Variants in TCF7L2 observed in about 807,000 individuals in gnomAD.
TCF7L2 encodes the protein transcription factor 7-like 2.
TCF7L2 carries 23 observed loss-of-function variants against 77.9 expected under a neutral mutation model. That is an observed-to-expected ratio of 0.30 (90% CI 0.21 to 0.42). The LOEUF (loss-of-function observed/expected upper bound fraction) is 0.42. Among genes scored for constraint, TCF7L2 ranks in the 10% least tolerant of loss-of-function variants. The pLI, the probability that TCF7L2 is intolerant of heterozygous loss-of-function variation, is 1.00. For synonymous variants in TCF7L2, 413 were observed against 340.2 expected, an observed-to-expected ratio of 1.21 and a Z score of -2.36; for missense variants, 654 against 793.1, an observed-to-expected ratio of 0.82 and a Z score of 2.11.
intron 5 of TCF7L2, among the ~76,000 whole-genome samples, chr10:113,116,882 A>T (rs928987699): frequency 7.2e-5 from 11 of 152,194 alleles, no homozygotes; most frequent in African/African-American, 2.7e-4. Flanking sequence ...AAGTTGATCC[A>T]TTTTAGCTTT....
intron 4 of TCF7L2, among the ~76,000 whole-genome samples, chr10:113,006,998 T>G (rs1223850204): frequency 6.6e-6 from 1 of 152,242 alleles, no homozygotes; most frequent in Non-Finnish European, 1.5e-5. Context: ...GGAGACATCT[T>G]CCTGTCTGTG....
At chr10:113,036,103 TCATCATCATCAC>T (rs949988427) in intron 4 of TCF7L2, among the ~76,000 whole-genome samples, 12 of 131,182 alleles carry the variant, frequency 9.1e-5, no homozygotes, top group East Asian at 2.3e-4. Flanking sequence ...CGCCATATCA[TCATCATCATCAC>T]CATCATCATC....
chr10:113,107,708 CGCACCAGT>C (rs1221260304), intron 5 of TCF7L2, among the ~76,000 whole-genome samples: 1 of 134,810 alleles, frequency 7.4e-6, no homozygotes, highest in Admixed American at 8.2e-5. Context: ...GAGCCGAGAT[CGCACCAGT>C]GCACTCCAGC....
intron 5 of TCF7L2, among the ~76,000 whole-genome samples, chr10:113,068,168 C>G (rs1470344453): frequency 6.6e-6 from 1 of 152,186 alleles, no homozygotes; most frequent in Non-Finnish European, 1.5e-5. Context: ...TGAAAACACT[C>G]TAGATATAAC....
chr10:113,167,590 A>AT lies in TCF7L2; in HGVS notation c.*1623dup. ...GTTCATTTTTAATGGTTTGGAAGCC[A>AT]TTTTTGTAATGAATAAATGTTCATG... On this transcript the variant is annotated 3_prime_UTR_variant, in exon 14 of 14. Coordinates refer to ENST00000627217, the MANE Select transcript of TCF7L2 (RefSeq NM_001146274.2). 1 of 204,274 alleles carries AT rather than the reference A, an allele frequency of 4.9e-6. No homozygotes were observed. Among genetic ancestry groups the AT allele is most frequent in the Non-Finnish European group, 1.0e-5 (1 of 99,708 alleles). The allele number at this position is 204,274 out of a possible 1,614,324, so 12.7% of individuals were successfully genotyped here.
intron 4 of TCF7L2, among the ~76,000 whole-genome samples, chr10:113,010,480 C>A (rs983534845): frequency 6.6e-6 from 1 of 152,124 alleles, no homozygotes; most frequent in Non-Finnish European, 1.5e-5. Context: ...CGTTCTGTGC[C>A]GAACACCCAT....
At chr10:113,080,740 C>A (rs548781964) in intron 5 of TCF7L2, among the ~76,000 whole-genome samples, 1 of 152,040 alleles carries the variant, frequency 6.6e-6, no homozygotes, top group African/African-American at 2.4e-5. Context: ...CATAAGCACC[C>A]GAGAAGGTTT....
At chr10:113,090,714 A>G (rs2060294651) in intron 5 of TCF7L2, among the ~76,000 whole-genome samples, 1 of 152,176 alleles carries the variant, frequency 6.6e-6, no homozygotes, top group Non-Finnish European at 1.5e-5. Context: ...GTTTCAAGCG[A>G]TTCGCCTGCC....
chr10:113,153,013 A>C (rs2071085865), intron 11 of TCF7L2, among the ~76,000 whole-genome samples: 1 of 152,244 alleles, frequency 6.6e-6, no homozygotes, highest in Non-Finnish European at 1.5e-5. Flanking sequence ...AGAGGAAGTC[A>C]GCCTTTGGCA....
chr10:113,105,024 A>G (rs750369048), intron 5 of TCF7L2, among the ~76,000 whole-genome samples: 7 of 152,230 alleles, frequency 4.6e-5, no homozygotes, highest in Non-Finnish European at 7.3e-5. Context: ...TGCAAAGGCC[A>G]TTAACTTGAC....
chr10:112,993,038 C>T (rs2042861271), intron 4 of TCF7L2, among the ~76,000 whole-genome samples: 2 of 152,078 alleles, frequency 1.3e-5, no homozygotes, highest in Admixed American at 6.5e-5. Context: ...GCTGGGATCA[C>T]AGGCGTGAGC....
intron 3 of TCF7L2, among the ~76,000 whole-genome samples, chr10:112,959,118 T>C (rs930207684): frequency 6.6e-6 from 1 of 152,136 alleles, no homozygotes; most frequent in African/African-American, 2.4e-5. Context: ...ATCTAGTTTT[T>C]CTCAAAAATC....
At chr10:113,100,133 C>T (rs752300665) in intron 5 of TCF7L2, among the ~76,000 whole-genome samples, 6 of 152,158 alleles carry the variant, frequency 3.9e-5, no homozygotes, top group Non-Finnish European at 7.3e-5. Flanking sequence ...CAACAGGTTT[C>T]TGTAGAGGAA....
intron 5 of TCF7L2, among the ~76,000 whole-genome samples, chr10:113,071,201 A>G (rs1259674778): frequency 6.6e-6 from 1 of 152,204 alleles, no homozygotes; most frequent in African/African-American, 2.4e-5. Context: ...GACAGAATGT[A>G]GAAACCCCCA....
chr10:113,142,583 G>T (rs913995753), intron 6 of TCF7L2, among the ~76,000 whole-genome samples: 2 of 152,148 alleles, frequency 1.3e-5, no homozygotes, highest in Admixed American at 1.3e-4. Flanking sequence ...GGGTAGGTAG[G>T]CTGCCTGGTT....
At chr10:112,998,436 C>CT (rs1269322383) in intron 4 of TCF7L2, among the ~76,000 whole-genome samples, 2 of 152,126 alleles carry the variant, frequency 1.3e-5, no homozygotes, top group Non-Finnish European at 2.9e-5. Context: ...GCAGGGGGAG[C>CT]CGTCAGATGG....
Position 113,051,845 on chromosome 10 carries a change from T to C in TCF7L2, c.552+11719T>C, listed in dbSNP as rs377070223. Among the ~76,000 whole-genome samples, 37 of 152,328 alleles carry C rather than the reference T, an allele frequency of 2.4e-4. 1 individual carries two copies. In the East Asian group the frequency reaches 5.0e-3, roughly 21 times the overall value. ...TCTTCTTTGCCCTAAATCTCTCTTA[T>C]TTTTGCTCCTTGGGACAACTGAAGA... On this transcript the variant is annotated intron_variant, in intron 5 of 13. Transcript: ENST00000627217.
intron 3 of TCF7L2, 66 bp downstream of exon 3, chr10:112,951,673 A>G: frequency 5.9e-6 from 5 of 849,626 alleles, no homozygotes; most frequent in Non-Finnish European, 6.7e-6. Context: ...CGGGCCCCGC[A>G]TGCGGCCCCT....
chr10:113,119,441 G>A (rs1294864879), intron 5 of TCF7L2, among the ~76,000 whole-genome samples: 4 of 152,148 alleles, frequency 2.6e-5, no homozygotes, highest in Admixed American at 6.5e-5. Context: ...ATTAAGATGT[G>A]TCTTAAGGAA....
Sources: allele counts gnomAD v4.1 joint callset (sites outside exome capture counted in the v4.1 genomes callset), GRCh38; gene constraint gnomAD v4.1.1; transcripts MANE v1.5; gene names NCBI Gene and HGNC (gene_info 2026-07-23, HGNC 2026-07-21).